GRID1: variants seen among roughly 807,000 people sequenced by gnomAD.
GRID1 encodes glutamate ionotropic receptor delta type subunit 1, also known as glutamate receptor ionotropic, delta-1.
In GRID1, 28 loss-of-function variants were observed where a neutral mutation model predicts 98.0. The ratio of observed to expected loss-of-function variants is 0.29; its 90% CI spans 0.21 to 0.39. GRID1 has a LOEUF of 0.39. Among genes scored for constraint, GRID1 ranks in the 10% least tolerant of loss-of-function variants. The pLI is 1.00. For synonymous variants in GRID1, 553 were observed against 538.5 expected (o/e 1.03, Z -0.37); for missense variants, 1,111 against 1,340.5 (o/e 0.83, Z 2.67).
At chr10:86,288,448 C>T (rs945710249) in intron 2 of GRID1, among the ~76,000 whole-genome samples, 1 of 152,194 alleles carries the variant, frequency 6.6e-6, no homozygotes, top group Non-Finnish European at 1.5e-5. Flanking sequence ...ACAAGTAAGG[C>T]TTTTAGGAAG....
intron 3 of GRID1, among the ~76,000 whole-genome samples, chr10:86,164,639 T>C (rs557406278): frequency 1.1e-4 from 17 of 152,302 alleles, no homozygotes; most frequent in African/African-American, 3.8e-4. Context: ...CAGGGAGAGT[T>C]TCCCAAGAAA....
chr10:86,091,931 AG>A (rs939589138), intron 4 of GRID1, among the ~76,000 whole-genome samples: 67 of 152,318 alleles, frequency 4.4e-4, no homozygotes, highest in African/African-American at 1.4e-3. Flanking sequence ...CCACAGGAAA[AG>A]GGGGAGAGTA....
At chr10:86,025,516 C>T (rs1355608002) in intron 4 of GRID1, among the ~76,000 whole-genome samples, 2 of 152,206 alleles carry the variant, frequency 1.3e-5, no homozygotes, top group African/African-American at 2.4e-5. Context: ...CAATTGGGAG[C>T]ACATTCTATG....
chr10:85,619,851 T>G lies in GRID1; in HGVS notation c.2360+16A>C. The G allele has an allele frequency of 6.2e-7, 1 of 1,607,592 alleles. No homozygotes were observed. Among genetic ancestry groups the G allele is most frequent in the African/African-American group, 1.3e-5 (1 of 74,910 alleles). On this transcript the variant is annotated intron_variant, in intron 14 of 15. Coordinates refer to ENST00000327946, the MANE Select transcript of GRID1 (RefSeq NM_017551.3). ...AGTCCTGAGGCAGCGGTAGTTACCT[T>G]GCTGCCCAAGCCTACCTCTGGGAGA...
chr10:86,128,284 G>A (rs932962295), intron 4 of GRID1, among the ~76,000 whole-genome samples: 7 of 152,036 alleles, frequency 4.6e-5, no homozygotes, highest in Non-Finnish European at 5.9e-5. Context: ...GCATCTCCCT[G>A]GGGTAGGAAA....
At chr10:86,298,473 T>C (rs906499240) in intron 2 of GRID1, among the ~76,000 whole-genome samples, 2 of 151,762 alleles carry the variant, frequency 1.3e-5, no homozygotes, top group Non-Finnish European at 2.9e-5. Flanking sequence ...CACCTGACGT[T>C]CACTCCCTGC....
intron 4 of GRID1, among the ~76,000 whole-genome samples, chr10:86,013,180 G>C (rs1842940744): frequency 6.6e-6 from 1 of 152,134 alleles, no homozygotes; most frequent in Admixed American, 6.5e-5. Flanking sequence ...TCAGCAGTAA[G>C]ATAAACTTCC....
chr10:85,925,997 C>T (rs1841769432), intron 4 of GRID1, among the ~76,000 whole-genome samples: 1 of 152,194 alleles, frequency 6.6e-6, no homozygotes, highest in African/African-American at 2.4e-5. Flanking sequence ...CTGATAAGAG[C>T]TGCTGAGTAT....
At chr10:85,785,947 TACAC>T (rs1266112207) in intron 8 of GRID1, among the ~76,000 whole-genome samples, 1 of 150,644 alleles carries the variant, frequency 6.6e-6, no homozygotes, top group Non-Finnish European at 1.5e-5. Flanking sequence ...ACACACCACA[TACAC>T]ACACGTGTAC....
intron 4 of GRID1, among the ~76,000 whole-genome samples, chr10:86,088,518 G>A (rs185764176): frequency 4.5e-4 from 69 of 152,332 alleles, no homozygotes; most frequent in African/African-American, 1.4e-3. Flanking sequence ...CAGAGAGCAT[G>A]GGGATCCCAG....
intron 4 of GRID1, among the ~76,000 whole-genome samples, chr10:86,041,300 C>A (rs1159716041): frequency 6.6e-6 from 1 of 152,196 alleles, no homozygotes; most frequent in Non-Finnish European, 1.5e-5. Context: ...TGAAGTCTTG[C>A]AAACACCACA....
intron 2 of GRID1, among the ~76,000 whole-genome samples, chr10:86,207,866 G>A (rs574362940): frequency 5.3e-4 from 81 of 152,170 alleles, no homozygotes; most frequent in African/African-American, 1.9e-3. Context: ...TCCTGACCTC[G>A]TGATCCGCCC....
Position 85,825,398 on chromosome 10 carries a change from G to T in GRID1, c.1233+29098C>A, listed in dbSNP as rs557113205. Among the ~76,000 whole-genome samples, 252 of 147,846 alleles carry T rather than the reference G, an allele frequency of 1.7e-3. 3 individuals are homozygous for T. The highest frequency in any genetic ancestry group is 0.01 in the Middle Eastern group (3 of 288). On this transcript the variant is annotated intron_variant, in intron 8 of 15. Coordinates refer to ENST00000327946, the MANE Select transcript of GRID1 (RefSeq NM_017551.3). ...TGATGGGATTGTTTTTTTTTTTCTT[G>T]CTGATTTATTTGAGCTTCTTGTAGA...
In GRID1 at chr10:85,856,010, GGTGCCCCCTCACAC is replaced by G; in HGVS notation, c.1113+5_1113+18del. 2.5e-6 allele frequency: 4 copies of G among 1,611,226 alleles called. No individual in the cohort carries two copies. Among genetic ancestry groups the G allele is most frequent in the Non-Finnish European group, 3.4e-6 (4 of 1,178,750 alleles). On this transcript the variant is annotated splice_donor_5th_base_variant and intron_variant, in intron 7 of 15. Coordinates refer to ENST00000327946, the MANE Select transcript of GRID1 (RefSeq NM_017551.3). ...GGGGCCTGTCTTTGGCCAGGTTGGG[GGTGCCCCCTCACAC>G]GTACCTTTTTGATGGTATCCAGCAT...
intron 8 of GRID1, among the ~76,000 whole-genome samples, chr10:85,738,770 T>C (rs1841911532): frequency 6.6e-6 from 1 of 152,206 alleles, no homozygotes; most frequent in South Asian, 2.1e-4. Flanking sequence ...TTTACGATGC[T>C]GTTAATATGG....
intron 12 of GRID1, among the ~76,000 whole-genome samples, chr10:85,667,023 A>G (rs1841026773): frequency 6.6e-6 from 1 of 152,218 alleles, no homozygotes; most frequent in Non-Finnish European, 1.5e-5. Context: ...TGCAGAGAAC[A>G]TTCATTAGGC....
chr10:86,072,887 G>A (rs150945363), intron 4 of GRID1, among the ~76,000 whole-genome samples: 73 of 152,370 alleles, frequency 4.8e-4, no homozygotes, highest in African/African-American at 1.6e-3. Context: ...TACACAGCAC[G>A]GAGGTGAGAT....
intron 6 of GRID1, among the ~76,000 whole-genome samples, chr10:85,859,862 C>T (rs572431877): frequency 6.6e-6 from 1 of 152,184 alleles, no homozygotes; most frequent in African/African-American, 2.4e-5. Flanking sequence ...AACCTCACAA[C>T]CTATTCAGAG....
intron 2 of GRID1, among the ~76,000 whole-genome samples, chr10:86,322,344 C>T (rs1411586361): frequency 6.6e-6 from 1 of 152,198 alleles, no homozygotes; most frequent in African/African-American, 2.4e-5. Flanking sequence ...TGCAGAAACA[C>T]ACAAGTCCTC....
Sources: allele counts gnomAD v4.1 joint callset (sites outside exome capture counted in the v4.1 genomes callset), GRCh38; gene constraint gnomAD v4.1.1; transcripts MANE v1.5; gene names NCBI Gene and HGNC (gene_info 2026-07-23, HGNC 2026-07-21).